ADAM10: variants seen among roughly 807,000 people sequenced by gnomAD.
ADAM10 encodes the protein ADAM metallopeptidase domain 10.
A neutral mutation model predicts 90.1 loss-of-function variants in ADAM10; 17 were observed. The observed-to-expected ratio is 0.19, with a 90% CI of 0.13 to 0.28. ADAM10 has a LOEUF of 0.28. Among genes scored for constraint, ADAM10 ranks in the 10% least tolerant of loss-of-function variants. The pLI is 1.00. For missense variants in ADAM10, 610 were observed against 914.3 expected (o/e 0.67, Z 4.29); for synonymous variants, 310 against 298.6 (o/e 1.04, Z -0.40).
rs1162350060 is a variant in ADAM10, at chr15:58,647,248, A to ATTTCTTTTTTTTTT, written c.586-1045_586-1044insAAAAAAAAAAGAAA. On this transcript the variant is annotated intron_variant, in intron 5 of 15. Coordinates refer to ENST00000260408, the MANE Select transcript of ADAM10 (RefSeq NM_001110.4). ...TGGCAGCAAAGAGTAGACACTAAGT[A>ATTTCTTTTTTTTTT]TTTTTTTTTTTTTTTTTTTTTTTTT... Among the ~76,000 whole-genome samples, 60 of 59,602 alleles carry ATTTCTTTTTTTTTT rather than the reference A, an allele frequency of 1.0e-3. 10 individuals carry two copies. The highest frequency in any genetic ancestry group is 3.1e-3 in the African/African-American group (58 of 18,646). The allele number at this position is 59,602 out of a possible 152,430, so 39.1% of individuals were successfully genotyped here.
intron 5 of ADAM10, among the ~76,000 whole-genome samples, chr15:58,651,238 C>T (rs1896679670): frequency 6.6e-6 from 1 of 152,062 alleles, no homozygotes; most frequent in Admixed American, 6.5e-5. Context: ...AAGCATTTAT[C>T]CTTTTTGTTA....
intron 8 of ADAM10, 104 bp downstream of exon 8, chr15:58,640,673 T>G (rs1896394697): frequency 2.8e-6 from 3 of 1,089,700 alleles, no homozygotes; most frequent in Non-Finnish European, 2.7e-6. Flanking sequence ...ATTAGGATAT[T>G]ATACAGGCAT....
Position 58,699,393 on chromosome 15 carries a change from A to G in ADAM10, c.207-17079T>C, listed in dbSNP as rs12593140. Among the ~76,000 whole-genome samples, 45 of 152,320 alleles carry G rather than the reference A, an allele frequency of 3.0e-4. No homozygotes were observed. In the East Asian group the frequency reaches 8.3e-3, roughly 28 times the overall value. On this transcript the variant is annotated intron_variant, in intron 2 of 15. Coordinates refer to ENST00000260408, the MANE Select transcript of ADAM10 (RefSeq NM_001110.4). ...TAGAGCAGATACACAAATGAGAAAA[A>G]GAAGTCAAATGTTACCACTAAAGAA...
intron 8 of ADAM10, among the ~76,000 whole-genome samples, chr15:58,634,369 C>CA (rs1390283541): frequency 2.7e-5 from 4 of 149,750 alleles, no homozygotes; most frequent in South Asian, 2.1e-4. Flanking sequence ...TTGAAATCTT[C>CA]AAAAAAAAAT....
In ADAM10 at chr15:58,594,603, C is replaced by T. The variant is rs975125481; in HGVS notation, c.*2944G>A. 2.6e-5 allele frequency: 4 copies of T among 152,172 alleles called. No individual in the cohort carries two copies. The highest frequency in any genetic ancestry group is 6.5e-5 in the Admixed American group (1 of 15,288). 9.4% of individuals were successfully genotyped at this position (152,172 alleles called of 1,614,324 possible). A position where few individuals can be genotyped will look rare whatever the true frequency, so the allele number is the denominator to read the frequency against. ...ACATTGCTTGACACTACAGGGAATG[C>T]TAAATCCAGAAGCAGTCAATAAATT... On this transcript the variant is annotated 3_prime_UTR_variant, in exon 16 of 16. Transcript: ENST00000260408.
At chr15:58,651,622 T>C (rs930045780) in intron 5 of ADAM10, among the ~76,000 whole-genome samples, 2 of 152,234 alleles carry the variant, frequency 1.3e-5, no homozygotes, top group African/African-American at 4.8e-5. Context: ...AGTATTCCAT[T>C]GTGAATATGT....
chr15:58,670,669 T>C (rs1196491249), intron 4 of ADAM10, among the ~76,000 whole-genome samples: 1 of 152,136 alleles, frequency 6.6e-6, no homozygotes, highest in Non-Finnish European at 1.5e-5. Context: ...TTCATAAAAA[T>C]GTTAATGGTG....
At chr15:58,661,630 T>C (rs1896969580) in intron 5 of ADAM10, among the ~76,000 whole-genome samples, 1 of 152,170 alleles carries the variant, frequency 6.6e-6, no homozygotes, top group Non-Finnish European at 1.5e-5. Flanking sequence ...CTGGTATGGT[T>C]TTCTTTGTGT....
At position 58,662,333 on chromosome 15, in the gene ADAM10, A is replaced by G. The variant is rs112198524; in HGVS notation, c.585+2764T>C. Among the ~76,000 whole-genome samples, 544 of 152,226 alleles carry G rather than the reference A, an allele frequency of 3.6e-3. 5 individuals are homozygous for G. The highest frequency in any genetic ancestry group is 0.013 in the African/African-American group (521 of 41,538). ...CTACTACCACGGCTTGGGATATCTA[A>G]TAAGTGTAATTTTTTTAGAGACAGG... On this transcript the variant is annotated intron_variant, in intron 5 of 15. Transcript: ENST00000260408.
chr15:58,695,360 T>G (rs540032640), intron 2 of ADAM10, among the ~76,000 whole-genome samples: 65 of 152,344 alleles, frequency 4.3e-4, no homozygotes, highest in African/African-American at 1.4e-3. Flanking sequence ...CTGCCTATCA[T>G]GTATTTTCAT....
chr15:58,604,118 G>A (rs1302960310), intron 14 of ADAM10, among the ~76,000 whole-genome samples: 4 of 152,056 alleles, frequency 2.6e-5, no homozygotes, highest in Non-Finnish European at 4.4e-5. Context: ...TCCTAGCACT[G>A]TGGGAAGCCG....
At chr15:58,725,081 C>T (rs535499222) in intron 1 of ADAM10, among the ~76,000 whole-genome samples, 11 of 151,848 alleles carry the variant, frequency 7.2e-5, no homozygotes, top group Non-Finnish European at 1.0e-4. Context: ...CCCAGCTACT[C>T]GAGAGGCTGA....
At chr15:58,638,892 T>C (rs965245864) in intron 8 of ADAM10, among the ~76,000 whole-genome samples, 9 of 152,150 alleles carry the variant, frequency 5.9e-5, no homozygotes, top group African/African-American at 2.2e-4. Flanking sequence ...TGAGAATACC[T>C]AATCTGTTCA....
chr15:58,731,538 GA>G (rs1180042647), intron 1 of ADAM10, among the ~76,000 whole-genome samples: 1 of 152,124 alleles, frequency 6.6e-6, no homozygotes, highest in East Asian at 1.9e-4. Flanking sequence ...TGAGGTGGGA[GA>G]ATCACCTGAG....
chr15:58,625,460 C>T (rs1248303411), intron 10 of ADAM10, among the ~76,000 whole-genome samples: 2 of 152,178 alleles, frequency 1.3e-5, no homozygotes. Context: ...TGAGATATCA[C>T]AGCACGCCCA....
At chr15:58,618,259 C>T (rs1895677670) in intron 11 of ADAM10, among the ~76,000 whole-genome samples, 1 of 151,876 alleles carries the variant, frequency 6.6e-6, no homozygotes, top group Non-Finnish European at 1.5e-5. Flanking sequence ...GATTTTTGAA[C>T]ATTCAGTGGG....
intron 11 of ADAM10, among the ~76,000 whole-genome samples, chr15:58,617,629 T>G (rs1191328269): frequency 6.6e-6 from 1 of 152,166 alleles, no homozygotes; most frequent in Non-Finnish European, 1.5e-5. Context: ...TGTTCCTGTT[T>G]GTAGACAGCA....
chr15:58,684,371 T>C (rs772929735), intron 2 of ADAM10, among the ~76,000 whole-genome samples: 3 of 152,112 alleles, frequency 2.0e-5, no homozygotes, highest in Non-Finnish European at 2.9e-5. Context: ...TGAGGTGACT[T>C]AGAGTGGGGC....
intron 1 of ADAM10, among the ~76,000 whole-genome samples, chr15:58,725,523 G>A (rs1899001336): frequency 6.6e-6 from 1 of 151,178 alleles, no homozygotes; most frequent in Non-Finnish European, 1.5e-5. Context: ...GCAACAAAGT[G>A]AGACCCTGTC....
Sources: allele counts gnomAD v4.1 joint callset (sites outside exome capture counted in the v4.1 genomes callset), GRCh38; gene constraint gnomAD v4.1.1; transcripts MANE v1.5; gene names NCBI Gene and HGNC (gene_info 2026-07-23, HGNC 2026-07-21).